The following PRDM5 variants were observed in gnomAD, a reference collection of about 807,000 sequenced individuals.
The protein encoded by PRDM5 is PR/SET domain 5.
A neutral mutation model predicts 81.2 loss-of-function variants in PRDM5; 56 were observed. The observed-to-expected ratio is 0.69, with a 90% CI of 0.56 to 0.86. The LOEUF (loss-of-function observed/expected upper bound fraction) is 0.86. Among genes scored for constraint, PRDM5 ranks in the 40% least tolerant of loss-of-function variants. PRDM5 has a pLI of 0.00. For missense variants in PRDM5, 697 were observed against 770.1 expected, an observed-to-expected ratio of 0.91 and a Z score of 1.12; for synonymous variants, 267 against 256.4, an observed-to-expected ratio of 1.04 and a Z score of -0.39.
At position 120,859,050 on chromosome 4, in the gene PRDM5, A is replaced by T. The variant is rs564834732; in HGVS notation, c.178-5510T>A. On this transcript the variant is annotated intron_variant, in intron 2 of 15. Transcript: ENST00000264808. ...ATTCACAGAACCTGTGAGAGCATCA[A>T]ATGAAATAAAATGCATGACAGTTCT... Among the ~76,000 whole-genome samples, 6 of 152,290 alleles carry T rather than the reference A, an allele frequency of 3.9e-5. No homozygotes were observed. The South Asian group carries it at 1.0e-3, about 26-fold the overall frequency.
intron 1 of PRDM5, among the ~76,000 whole-genome samples, chr4:120,909,217 T>A (rs533631774): frequency 2.0e-5 from 3 of 152,132 alleles, no homozygotes; most frequent in Admixed American, 6.5e-5. Flanking sequence ...TCAGGCAACA[T>A]CCACTTCACC....
intron 2 of PRDM5, among the ~76,000 whole-genome samples, chr4:120,903,950 G>T (rs985651639): frequency 7.9e-5 from 12 of 152,012 alleles, no homozygotes; most frequent in South Asian, 2.1e-4. Context: ...AGAACTTTGG[G>T]AGGCCGAGGC....
chr4:120,800,542 G>A (rs1751992162), intron 8 of PRDM5, among the ~76,000 whole-genome samples: 1 of 149,128 alleles, frequency 6.7e-6, no homozygotes, highest in Admixed American at 6.7e-5. Context: ...AGTCTCACAT[G>A]ACAGGAGGAT....
chr4:120,771,533 TC>T (rs1747298622), intron 13 of PRDM5, among the ~76,000 whole-genome samples: 1 of 152,096 alleles, frequency 6.6e-6, no homozygotes. Flanking sequence ...AAATGCATTT[TC>T]CCCAAATTAA....
At chr4:120,750,438 A>G (rs1743812432) in intron 14 of PRDM5, among the ~76,000 whole-genome samples, 1 of 152,052 alleles carries the variant, frequency 6.6e-6, no homozygotes, top group Non-Finnish European at 1.5e-5. Flanking sequence ...ATCTGCCAAA[A>G]CCTGATGGTG....
intron 13 of PRDM5, among the ~76,000 whole-genome samples, chr4:120,761,798 G>T (rs183357980): frequency 1.3e-5 from 2 of 152,230 alleles, no homozygotes; most frequent in East Asian, 3.9e-4. Context: ...TTTAAGAAGT[G>T]AACCTGACCA....
At chr4:120,708,803 G>C (rs1736555212) in intron 15 of PRDM5, among the ~76,000 whole-genome samples, 1 of 152,054 alleles carries the variant, frequency 6.6e-6, no homozygotes, top group African/African-American at 2.4e-5. Context: ...TCTTTAAGAG[G>C]GAGAGAGATT....
At chr4:120,726,526 T>C (rs896704645) in intron 14 of PRDM5, among the ~76,000 whole-genome samples, 1 of 152,238 alleles carries the variant, frequency 6.6e-6, no homozygotes, top group African/African-American at 2.4e-5. Context: ...CCTTTTACAA[T>C]TGCAGTTGCA....
chr4:120,710,240 T>C (rs200589987), intron 15 of PRDM5, 69 bp downstream of exon 15: 215 of 1,024,294 alleles, frequency 2.1e-4, no homozygotes, highest in African/African-American at 3.6e-4. Flanking sequence ...CACACACACA[T>C]ACACACACAC....
At chr4:120,878,053 C>T (rs1221851144) in intron 2 of PRDM5, among the ~76,000 whole-genome samples, 1 of 152,134 alleles carries the variant, frequency 6.6e-6, no homozygotes, top group Non-Finnish European at 1.5e-5. Context: ...ATTATACGTC[C>T]ATATGGTAAC....
intron 3 of PRDM5, among the ~76,000 whole-genome samples, chr4:120,852,844 G>C (rs1009854025): frequency 4.2e-5 from 6 of 141,584 alleles, no homozygotes; most frequent in African/African-American, 1.6e-4. Flanking sequence ...CTGTTGCCCA[G>C]GTTGAAGTGG....
chr4:120,733,538 C>T (rs1740586823), intron 14 of PRDM5, among the ~76,000 whole-genome samples: 1 of 152,180 alleles, frequency 6.6e-6, no homozygotes, highest in African/African-American at 2.4e-5. Context: ...ACCTGGTCTC[C>T]CTGGGGCAGA....
chr4:120,859,534 T>TTTTCAAGGAACAAACATAGTAC (rs1192959696), intron 2 of PRDM5, among the ~76,000 whole-genome samples: 1 of 152,148 alleles, frequency 6.6e-6, no homozygotes, highest in Non-Finnish European at 1.5e-5. Context: ...CATGTCAGCT[T>TTTTCAAGGAACAAACATAGTAC]TTTCAAGGAA....
intron 2 of PRDM5, among the ~76,000 whole-genome samples, chr4:120,863,066 G>A (rs965733910): frequency 4.0e-5 from 6 of 149,190 alleles, no homozygotes; most frequent in African/African-American, 1.5e-4. Context: ...GCTGAGGCAT[G>A]AGAATTGCTG....
chr4:120,903,691 G>A (rs539072866), intron 2 of PRDM5, among the ~76,000 whole-genome samples: 208 of 152,270 alleles, frequency 1.4e-3, no homozygotes, highest in African/African-American at 4.8e-3. Flanking sequence ...GGGCCAGCTG[G>A]AGATAATTAA....
chr4:120,834,031 T>C (rs1289208532), intron 3 of PRDM5, among the ~76,000 whole-genome samples: 1 of 152,080 alleles, frequency 6.6e-6, no homozygotes, highest in African/African-American at 2.4e-5. Context: ...AAGCAACAAA[T>C]CTAGCTAAAA....
chr4:120,901,822 C>T (rs1765254175), intron 2 of PRDM5, among the ~76,000 whole-genome samples: 1 of 152,178 alleles, frequency 6.6e-6, no homozygotes, highest in Non-Finnish European at 1.5e-5. Flanking sequence ...AGAGGGACCA[C>T]CCAGTGTACT....
At chr4:120,852,499 G>A (rs76526415) in intron 3 of PRDM5, among the ~76,000 whole-genome samples, 4 of 152,050 alleles carry the variant, frequency 2.6e-5, no homozygotes, top group East Asian at 1.9e-4. Flanking sequence ...AACCTGGAAC[G>A]CTAGCTCTTC....
At chr4:120,800,240 A>G (rs114937555) in intron 8 of PRDM5, among the ~76,000 whole-genome samples, 17 of 152,262 alleles carry the variant, frequency 1.1e-4, no homozygotes, top group African/African-American at 3.4e-4. Flanking sequence ...CATGAGCCAG[A>G]TGCAGTGGCT....
Sources: allele counts gnomAD v4.1 joint callset (sites outside exome capture counted in the v4.1 genomes callset), GRCh38; gene constraint gnomAD v4.1.1; transcripts MANE v1.5; gene names NCBI Gene and HGNC (gene_info 2026-07-23, HGNC 2026-07-21).